The following ARHGAP8 variants were observed in gnomAD, a reference collection of about 807,000 sequenced individuals.
The protein encoded by ARHGAP8 is Rho GTPase activating protein 8, also known as rho GTPase-activating protein 8.
A neutral mutation model predicts 46.1 loss-of-function variants in ARHGAP8; 62 were observed. The ratio of observed to expected loss-of-function variants is 1.34; its 90% CI spans 1.10 to 1.66. The LOEUF (loss-of-function observed/expected upper bound fraction) is 1.66. Ranked by LOEUF, ARHGAP8 falls within the 40% of genes most tolerant of loss-of-function variation. The pLI, the probability that ARHGAP8 is intolerant of heterozygous loss-of-function variation, is 0.00. For missense variants in ARHGAP8, 923 were observed against 568.4 expected (o/e 1.62, Z -6.34); for synonymous variants, 375 against 243.1 (o/e 1.54, Z -5.05).
intron 3 of ARHGAP8, among the ~76,000 whole-genome samples, chr22:44,804,518 G>T (rs1419826012): frequency 6.6e-6 from 1 of 152,180 alleles, no homozygotes; most frequent in African/African-American, 2.4e-5. Context: ...GCCGATCTCT[G>T]GGTGTCCCTG....
intron 2 of ARHGAP8, among the ~76,000 whole-genome samples, chr22:44,801,383 C>G (rs1351524520): frequency 3.0e-5 from 4 of 134,058 alleles, no homozygotes; most frequent in Non-Finnish European, 4.8e-5. Context: ...CACCTCTCCC[C>G]GCAGCTGTCC....
chr22:44,846,134 C>G (rs2069949876), intron 8 of ARHGAP8, among the ~76,000 whole-genome samples: 2 of 152,330 alleles, frequency 1.3e-5, no homozygotes, highest in East Asian at 3.9e-4. Flanking sequence ...CAGACCCCAG[C>G]TCTGCCCACG....
At chr22:44,754,732 C>T (rs1211101637) in intron 1 of ARHGAP8, among the ~76,000 whole-genome samples, 1 of 152,114 alleles carries the variant, frequency 6.6e-6, no homozygotes, top group Admixed American at 6.5e-5. Context: ...CAAGCCAGTT[C>T]TAGGCTGAGC....
At chr22:44,846,684 C>T (rs975180113) in intron 8 of ARHGAP8, among the ~76,000 whole-genome samples, 3 of 152,192 alleles carry the variant, frequency 2.0e-5, no homozygotes. Context: ...CCAGGCAGAA[C>T]TGCCTTCTTC....
intron 1 of ARHGAP8, among the ~76,000 whole-genome samples, chr22:44,776,338 G>C (rs1926415754): frequency 6.6e-6 from 1 of 152,094 alleles, no homozygotes; most frequent in Non-Finnish European, 1.5e-5. Flanking sequence ...TGTAATCCCA[G>C]CTACTCGGGA....
chr22:44,793,429 G>T (rs1195360457), intron 2 of ARHGAP8, among the ~76,000 whole-genome samples: 1 of 152,174 alleles, frequency 6.6e-6, no homozygotes, highest in South Asian at 2.1e-4. Context: ...GGATCTTTTG[G>T]CACACAACCC....
intron 7 of ARHGAP8, among the ~76,000 whole-genome samples, chr22:44,830,099 C>G (rs1252379536): frequency 6.6e-6 from 1 of 151,790 alleles, no homozygotes; most frequent in Non-Finnish European, 1.5e-5. Flanking sequence ...TCTCTGCTCA[C>G]TGCAACCTCT....
chr22:44,813,575 C>T (rs1929512033), intron 4 of ARHGAP8, among the ~76,000 whole-genome samples: 1 of 151,682 alleles, frequency 6.6e-6, no homozygotes. Context: ...CATACAACTA[C>T]ACACACACCA....
At position 44,862,558 on chromosome 22, in the gene ARHGAP8, C is replaced by G. The variant is rs1229321716; in HGVS notation, c.1265C>G (p.Pro422Arg). 1.3e-6 allele frequency: 2 copies of G among 1,597,496 alleles called. No homozygotes were observed. The highest frequency in any genetic ancestry group is 1.1e-5 in the South Asian group (1 of 90,306). Reference protein sequence around the residue: ...QATGLTKPTLPPSPLMAARRR... With the variant: ...QATGLTKPTLRPSPLMAARRR... ...ACGGGCCTCACCAAGCCTACCCTACCTCCGAGTCCCCTGATGGCAGCCAGA... is the reference window on the plus strand; with the variant it reads ...ACGGGCCTCACCAAGCCTACCCTACGTCCGAGTCCCCTGATGGCAGCCAGA... The change falls in exon 12 of 12, where the codon CCT becomes CGT. Residue 422 changes from proline (P) to arginine (R), a missense_variant. Transcript: ENST00000356099.
At position 44,859,851 on chromosome 22, in the gene ARHGAP8, G is replaced by C; in HGVS notation, c.981+17G>C. The C allele has an allele frequency of 6.2e-7, 1 of 1,611,074 alleles. No homozygotes were observed. Among genetic ancestry groups the C allele is most frequent in the East Asian group, 2.2e-5 (1 of 44,824 alleles). On this transcript the variant is annotated intron_variant, in intron 11 of 11. Coordinates refer to ENST00000356099, the MANE Select transcript of ARHGAP8 (RefSeq NM_181335.3). ...CTGCATGCGGTGAGTGGGGAAGGGG[G>C]GAGCTTGGGGTGAAGCCCAGTGGCC...
At position 44,848,958 on chromosome 22, in the gene ARHGAP8, G is replaced by C; in HGVS notation, c.775G>C (p.Gly259Arg). Residue 259 changes from glycine (G) to arginine (R), a missense_variant, in exon 10 of 12, where the codon GGG becomes CGG. Transcript: ENST00000356099. ...QGKPVNFDDY[G>R]DIHIPAVILK... Reference sequence around the variant, plus strand: ...GAAGCCCGTGAACTTTGACGACTACGGGGACATTCACATCCCTGCCGTGAT... The same window carrying C: ...GAAGCCCGTGAACTTTGACGACTACCGGGACATTCACATCCCTGCCGTGAT... 1.9e-6 allele frequency: 3 copies of C among 1,614,106 alleles called. No individual in the cohort carries two copies. Among genetic ancestry groups the C allele is most frequent in the Non-Finnish European group, 1.7e-6 (2 of 1,180,034 alleles).
At chr22:44,826,958 C>A (rs889585937) in intron 7 of ARHGAP8, among the ~76,000 whole-genome samples, 1 of 152,148 alleles carries the variant, frequency 6.6e-6, no homozygotes, top group South Asian at 2.1e-4. Context: ...GAATCATGGC[C>A]CCCGACGAAG....
At chr22:44,756,323 C>A (rs144143232) in intron 1 of ARHGAP8, among the ~76,000 whole-genome samples, 52 of 152,242 alleles carry the variant, frequency 3.4e-4, no homozygotes, top group African/African-American at 1.1e-3. Context: ...AAAGGTTGAC[C>A]CCGTGTGGCA....
chr22:44,765,583 A>G (rs1226573043), intron 1 of ARHGAP8, among the ~76,000 whole-genome samples: 1 of 152,080 alleles, frequency 6.6e-6, no homozygotes, highest in Non-Finnish European at 1.5e-5. Flanking sequence ...CCCCGGCTGG[A>G]AGCTGCCCTC....
In ARHGAP8 at chr22:44,845,357, G is replaced by A; in HGVS notation, c.670+15G>A. 6.2e-7 allele frequency: 1 copy of A among 1,613,916 alleles called. No homozygotes were observed. The highest frequency in any genetic ancestry group is 8.5e-7 in the Non-Finnish European group (1 of 1,179,952). ...GAGAGAGAAAGGTGAGACGGGGCCG[G>A]CTCCAGCTGGATGACGTGAGGGCTG... is the stretch of plus-strand genomic sequence containing the variant. On this transcript the variant is annotated intron_variant, in intron 8 of 11. Coordinates refer to ENST00000356099, the MANE Select transcript of ARHGAP8 (RefSeq NM_181335.3).
intron 1 of ARHGAP8, among the ~76,000 whole-genome samples, chr22:44,761,083 C>T (rs1381195747): frequency 6.6e-6 from 1 of 152,194 alleles, no homozygotes; most frequent in East Asian, 1.9e-4. Flanking sequence ...CTGCATGTAC[C>T]AGGCCCTGTA....
rs1248748770 is a variant in ARHGAP8 at position 44,814,756 on chromosome 22, C to G, written c.384C>G (p.Ile128Met). 2 of 1,613,864 alleles carry G rather than the reference C, an allele frequency of 1.2e-6. No individual in the cohort carries two copies. The highest frequency in any genetic ancestry group is 1.7e-5 in the Admixed American group (1 of 59,978). ...TGTGGAACATCTTGAAGCCCCTCAT[C>G]AGGTATGCGTCACTCTGGGAGAGGA... Reference protein sequence around the residue: ...KVLWNILKPLISHKFGKKVIY... With the variant: ...KVLWNILKPLMSHKFGKKVIY... Residue 128 changes from isoleucine to methionine, a missense_variant and splice_region_variant, in exon 5 of 12, where the codon ATC (isoleucine) becomes ATG (methionine). By Grantham distance (10) the Ile-to-Met change is conservative (BLOSUM62 1). Coordinates refer to ENST00000356099, the MANE Select transcript of ARHGAP8 (RefSeq NM_181335.3).
intron 3 of ARHGAP8, among the ~76,000 whole-genome samples, chr22:44,804,849 G>T (rs1293292296): frequency 3.9e-5 from 6 of 152,230 alleles, no homozygotes; most frequent in African/African-American, 1.4e-4. Context: ...AGCTGAAACT[G>T]CAGTGGCAAA....
intron 11 of ARHGAP8, among the ~76,000 whole-genome samples, chr22:44,861,382 G>C (rs2070474943): frequency 1.3e-5 from 2 of 152,210 alleles, no homozygotes; most frequent in South Asian, 4.1e-4. Context: ...TCACCCCAGT[G>C]GCACCTGGGG....
Sources: gnomAD v4.1 joint callset for allele counts (sites outside exome capture counted in the v4.1 genomes callset) on GRCh38, gnomAD v4.1.1 for gene constraint, MANE v1.5 for transcripts, NCBI Gene and HGNC (gene_info 2026-07-23, HGNC 2026-07-21) for gene names.